The following ECE1 variants were observed in gnomAD, a reference collection of about 807,000 sequenced individuals.
ECE1 encodes endothelin converting enzyme 1.
ECE1 carries 35 observed loss-of-function variants against 98.6 expected under a neutral mutation model. The observed-to-expected ratio is 0.35, with a 90% confidence interval of 0.27 to 0.47. The LOEUF (loss-of-function observed/expected upper bound fraction) is 0.47. Ranked by LOEUF, ECE1 falls within the 20% of genes least tolerant of loss-of-function variation. ECE1 has a pLI of 1.00. For synonymous variants in ECE1, 394 were observed against 407.1 expected (o/e 0.97, Z 0.39); for missense variants, 814 against 1,025.3 (o/e 0.79, Z 2.81).
At chr1:21,240,695 G>A (rs568323335) in intron 10 of ECE1, among the ~76,000 whole-genome samples, 6 of 152,112 alleles carry the variant, frequency 3.9e-5, no homozygotes, top group South Asian at 4.2e-4. Flanking sequence ...TCCCTCCCGC[G>A]CCTACCCTCC....
rs986675059 is a variant in ECE1 at position 21,319,864 on chromosome 1, C to T, written c.3+25512G>A. ...CTAGTGCCAGCCCCCACACACCACT[C>T]GCCACCCAGGCTGTCTTGAGTCCAC... On this transcript the variant is annotated intron_variant, in intron 1 of 18. Transcript: ENST00000415912. This position sits in a 1 kb window ranked among gnomAD's most constrained non-coding sequence, Gnocchi z 4.4. 7.2e-5 allele frequency among the ~76,000 whole-genome samples: 11 copies of T among 152,162 alleles called. No individual in the cohort carries two copies. The highest frequency in any genetic ancestry group is 3.8e-4 in the East Asian group (2 of 5,198).
At chr1:21,341,708 C>G (rs1023083700) in intron 1 of ECE1, among the ~76,000 whole-genome samples, 3 of 152,242 alleles carry the variant, frequency 2.0e-5, no homozygotes, top group Non-Finnish European at 4.4e-5. Flanking sequence ...GAAGTACGCA[C>G]TGTGCTCTGG....
chr1:21,298,381 C>T (rs1638415473), intron 1 of ECE1: 2 of 246,266 alleles, frequency 8.1e-6, no homozygotes, highest in African/African-American at 4.4e-5. Flanking sequence ...GGCATCTCAT[C>T]CCAACACAGT....
intron 4 of ECE1, among the ~76,000 whole-genome samples, chr1:21,262,211 T>G (rs890751466): frequency 5.3e-5 from 8 of 152,058 alleles, no homozygotes; most frequent in African/African-American, 1.9e-4. Flanking sequence ...GTCAGGGGCC[T>G]GAACGAGGGG....
chr1:21,234,007 G>C (rs896089863), intron 13 of ECE1, among the ~76,000 whole-genome samples: 7 of 151,428 alleles, frequency 4.6e-5, no homozygotes, highest in African/African-American at 1.5e-4. Flanking sequence ...TTTTTTTTGA[G>C]ACGGGAATCT....
chr1:21,269,773 G>A (rs1385260900), intron 4 of ECE1, among the ~76,000 whole-genome samples: 2 of 152,240 alleles, frequency 1.3e-5, no homozygotes, highest in Non-Finnish European at 2.9e-5. Flanking sequence ...AACTAAGTGG[G>A]AGAGAAGCCA....
At chr1:21,342,787 C>T (rs930048983) in intron 1 of ECE1, among the ~76,000 whole-genome samples, 2 of 152,172 alleles carry the variant, frequency 1.3e-5, no homozygotes, top group African/African-American at 4.8e-5. Context: ...CCGAATCACC[C>T]CTGCCTCAGG....
At chr1:21,228,757 C>A (rs1032958347) in intron 14 of ECE1, among the ~76,000 whole-genome samples, 5 of 151,420 alleles carry the variant, frequency 3.3e-5, no homozygotes, top group Admixed American at 2.6e-4. Flanking sequence ...CCACTGCACT[C>A]CAGCCTGGGT....
At chr1:21,263,021 C>T (rs781236898) in intron 4 of ECE1, among the ~76,000 whole-genome samples, 2 of 152,140 alleles carry the variant, frequency 1.3e-5, no homozygotes, top group African/African-American at 4.8e-5. Flanking sequence ...ACGGGGTGAA[C>T]GCTGTGAGAA....
intron 1 of ECE1, among the ~76,000 whole-genome samples, chr1:21,317,996 G>C (rs1638869026): frequency 6.6e-6 from 1 of 152,248 alleles, no homozygotes; most frequent in Admixed American, 6.5e-5. Context: ...CAAAACACAT[G>C]CAAAGCAGGG....
intron 9 of ECE1, among the ~76,000 whole-genome samples, chr1:21,246,049 G>A (rs1243125424): frequency 1.3e-5 from 2 of 152,084 alleles, no homozygotes; most frequent in African/African-American, 4.8e-5. Context: ...AGGATTGCCT[G>A]AGACCAGGAG....
intron 1 of ECE1, among the ~76,000 whole-genome samples, chr1:21,314,686 C>G (rs1310043500): frequency 6.6e-6 from 1 of 152,246 alleles, no homozygotes; most frequent in Non-Finnish European, 1.5e-5. Context: ...TGTCCTGGCT[C>G]ACAGCTTTCA....
intron 7 of ECE1, 147 bp from the exon 8 acceptor site, chr1:21,256,285 G>A: frequency 1.1e-6 from 1 of 919,082 alleles, no homozygotes; most frequent in Non-Finnish European, 1.6e-6. Flanking sequence ...GCCAGGTGTG[G>A]TGGCTCACGC....
intron 1 of ECE1, among the ~76,000 whole-genome samples, chr1:21,318,020 G>A (rs545327807): frequency 8.6e-4 from 131 of 152,348 alleles, no homozygotes; most frequent in African/African-American, 3.0e-3. Context: ...GCCCCTCCAA[G>A]GTGCACCTTG....
chr1:21,265,307 G>A (rs1439094464), intron 4 of ECE1, among the ~76,000 whole-genome samples: 1 of 152,154 alleles, frequency 6.6e-6, no homozygotes, highest in Non-Finnish European at 1.5e-5. Context: ...CAAGGTGGGT[G>A]GATCACTTGA....
At chr1:21,249,284 A>G (rs905968214) in intron 8 of ECE1, among the ~76,000 whole-genome samples, 1 of 151,882 alleles carries the variant, frequency 6.6e-6, no homozygotes, top group African/African-American at 2.4e-5. Flanking sequence ...CAGAGGTTAC[A>G]GTGAGCCAAG....
rs148978867 is a variant in ECE1 at position 21,245,084 on chromosome 1, T to C, written c.1183A>G (p.Ile395Val). 3 of 1,614,024 alleles carry C rather than the reference T, an allele frequency of 1.9e-6. No homozygotes were observed. The African/African-American group carries it at 4.0e-5, about 22-fold the overall frequency. Reference sequence around the variant, plus strand: ...CTTGTTTTCCGCACCAGGTTCCAGATCATGTAGTTGTTGAGCAGGCTGCGG... The same window carrying C: ...CTTGTTTTCCGCACCAGGTTCCAGACCATGTAGTTGTTGAGCAGGCTGCGG... Reference protein sequence around the residue: ...TDRCLLNNYMIWNLVRKTSSF... With the variant: ...TDRCLLNNYMVWNLVRKTSSF... The change falls in exon 10 of 19, where the codon ATC becomes GTC. Residue 395 changes from isoleucine (I) to valine (V), a missense_variant. Ile to Val is a conservative substitution (Grantham distance 29, BLOSUM62 3). Coordinates refer to ENST00000374893, the MANE Select transcript of ECE1 (RefSeq NM_001397.3).
chr1:21,255,974 G>A lies in ECE1; in HGVS notation c.993C>T (p.Tyr331=). The A allele has an allele frequency of 6.2e-7, 1 of 1,614,148 alleles. No homozygotes were observed. Among genetic ancestry groups the A allele is most frequent in the Non-Finnish European group, 8.5e-7 (1 of 1,180,016 alleles). The change falls in exon 8 of 19, where the codon TAC becomes TAT. Residue 331 remains tyrosine (Y), a synonymous_variant. Transcript: ENST00000374893. ...GCAGCTCGGCTGCCGTCACTTTGTGGTAGATGAGCTCCTCATCACGGCGCT... is the reference window on the plus strand; with the variant it reads ...GCAGCTCGGCTGCCGTCACTTTGTGATAGATGAGCTCCTCATCACGGCGCT... ...QEKRRDEELI[Y]HKVTAAELQT...
At chr1:21,264,960 C>G (rs571800500) in intron 4 of ECE1, among the ~76,000 whole-genome samples, 1 of 152,208 alleles carries the variant, frequency 6.6e-6, no homozygotes, top group African/African-American at 2.4e-5. Context: ...CCTTCCTGAT[C>G]GCTGCAGCTA....
Sources: allele counts gnomAD v4.1 joint callset (sites outside exome capture counted in the v4.1 genomes callset), GRCh38; gene constraint gnomAD v4.1.1; non-coding constraint Gnocchi (gnomAD v3.1); transcripts MANE v1.5; gene names NCBI Gene and HGNC (gene_info 2026-07-23, HGNC 2026-07-21).